Variants in MYBPC2 observed in about 807,000 individuals in gnomAD.
MYBPC2 encodes the protein myosin-binding protein C, fast-type.
MYBPC2 carries 122 observed loss-of-function variants against 137.0 expected under a neutral mutation model. That is an observed-to-expected ratio of 0.89 (90% CI 0.77 to 1.03). The LOEUF is 1.03. Among genes scored for constraint, MYBPC2 ranks in the 50% least tolerant of loss-of-function variants. The pLI, the probability that MYBPC2 is intolerant of heterozygous loss-of-function variation, is 0.00. For synonymous variants in MYBPC2, 626 were observed against 612.3 expected (o/e 1.02, Z -0.33); for missense variants, 1,500 against 1,534.4 (o/e 0.98, Z 0.37).
At chr19:50,453,341 G>C (rs1273328505) in intron 16 of MYBPC2, among the ~76,000 whole-genome samples, 2 of 152,138 alleles carry the variant, frequency 1.3e-5, no homozygotes, top group East Asian at 3.9e-4. Context: ...GGAGGTTCTA[G>C]AAGCTATGAG....
chr19:50,460,095 G>A lies in MYBPC2; in HGVS notation c.2847G>A (p.Ala949=), dbSNP rs757429155. 1.0e-5 allele frequency: 16 copies of A among 1,578,498 alleles called. No homozygotes were observed. The South Asian group carries it at 1.5e-4, about 15-fold the overall frequency. Residue 949 remains alanine, a synonymous_variant, in exon 24 of 28, where the codon GCG becomes GCA. Transcript: ENST00000357701. ...TGAAGGAGGTGTGGGGCACGAACGC[G>A]CTGGTGGAGTGGCAGGCCCCCAAAG... ...VMVKEVWGTN[A]LVEWQAPKDD...
chr19:50,456,612 A>G lies in MYBPC2; in HGVS notation c.2338+968A>G, dbSNP rs184050597. Among the ~76,000 whole-genome samples, 1,075 of 146,822 alleles carry G rather than the reference A, an allele frequency of 7.3e-3. 15 individuals carry two copies. The highest frequency in any genetic ancestry group is 0.025 in the African/African-American group (1,011 of 39,846). On this transcript the variant is annotated intron_variant, in intron 20 of 27. Transcript: ENST00000357701. ...TGCCCAGCTAATTTTTTTTTTTTGT[A>G]TTTTTAGTAGAGACAGGGTTTCACT...
intron 12 of MYBPC2, 110 bp downstream of exon 12, chr19:50,446,162 C>A: frequency 2.3e-6 from 3 of 1,294,036 alleles, no homozygotes; most frequent in Non-Finnish European, 2.1e-6. Context: ...CTCTCTTTCC[C>A]ACACACCCTA....
At position 50,453,006 on chromosome 19, in the gene MYBPC2, T is replaced by C. The variant is rs10426793; in HGVS notation, c.1749+1003T>C. ...CAGACTTGCTCAACATCCATCCATT[T>C]GCTCACTCAGCGTACATCCCCTAAA... On this transcript the variant is annotated intron_variant, in intron 16 of 27. Coordinates refer to ENST00000357701, the MANE Select transcript of MYBPC2 (RefSeq NM_004533.4). Among the ~76,000 whole-genome samples, 1,179 of 152,354 alleles carry C rather than the reference T, an allele frequency of 7.7e-3. 19 individuals are homozygous for C. Among genetic ancestry groups the C allele is most frequent in the African/African-American group, 0.027 (1,124 of 41,584 alleles).
chr19:50,456,821 A>G (rs1326346268), intron 20 of MYBPC2, among the ~76,000 whole-genome samples: 1 of 151,628 alleles, frequency 6.6e-6, no homozygotes, highest in Non-Finnish European at 1.5e-5. Context: ...CCATCCAACC[A>G]TCTGTCCACC....
chr19:50,440,723 C>T (rs2039745992), intron 7 of MYBPC2, among the ~76,000 whole-genome samples, 157 bp from the exon 8 acceptor site: 1 of 151,172 alleles, frequency 6.6e-6, no homozygotes, highest in East Asian at 1.9e-4. Flanking sequence ...CAGAAGACCC[C>T]AGGAGGAGGC....
In MYBPC2 at chr19:50,432,984, A is replaced by C. The variant is rs1228130260; in HGVS notation, c.19+12A>C. On this transcript the variant is annotated intron_variant, in intron 1 of 27. Transcript: ENST00000357701. This position sits in a 1 kb window ranked among gnomAD's most constrained non-coding sequence, Gnocchi z 5.5. ...TGAGGCAAAACCAGGTGGCGCCAGG[A>C]CCCCCTCCCTGTGTGGGGATGGGGC... 1.9e-6 allele frequency: 3 copies of C among 1,592,224 alleles called. No homozygotes were observed. Among genetic ancestry groups the C allele is most frequent in the Non-Finnish European group, 2.6e-6 (3 of 1,171,644 alleles).
chr19:50,441,361 C>T (rs915132951), intron 8 of MYBPC2, among the ~76,000 whole-genome samples: 1 of 152,130 alleles, frequency 6.6e-6, no homozygotes. Flanking sequence ...ATGGCAATGA[C>T]CAGACCACCC....
chr19:50,459,989 G>A lies in MYBPC2; in HGVS notation c.2792-51G>A, dbSNP rs28668964. ...TGTGGAGAGGGGAGGGGAGGGAAGCGGCTGGACATCCCAAAACCTGGACTG... is the reference window on the plus strand; with the variant it reads ...TGTGGAGAGGGGAGGGGAGGGAAGCAGCTGGACATCCCAAAACCTGGACTG... On this transcript the variant is annotated intron_variant, in intron 23 of 27. Transcript: ENST00000357701. The A allele has an allele frequency of 4.8e-4, 744 of 1,548,144 alleles. 7 individuals carry two copies. The South Asian group carries it at 8.3e-3, about 17-fold the overall frequency.
At chr19:50,458,227 T>A (rs2039931266) in intron 20 of MYBPC2, among the ~76,000 whole-genome samples, 1 of 150,302 alleles carries the variant, frequency 6.7e-6, no homozygotes, top group Admixed American at 6.6e-5. Context: ...GGAGAATTAC[T>A]TGAACCTGGG....
Position 50,445,948 on chromosome 19 carries a change from G to A in MYBPC2, c.1202G>A (p.Gly401Glu). 2.5e-6 allele frequency: 4 copies of A among 1,612,336 alleles called. No homozygotes were observed. The highest frequency in any genetic ancestry group is 3.4e-6 in the Non-Finnish European group (4 of 1,179,266). ...FKARYRFKKD[G>E]KRHILIFSDV... is the part of the protein sequence containing the mutation. ...GCCCGGTACCGCTTCAAGAAGGACG[G>A]GAAGCGCCACATCCTCATCTTCTCA... Residue 401 changes from glycine (G) to glutamate (E), a missense_variant, in exon 12 of 28, where the codon GGG (glycine) becomes GAG (glutamate). Coordinates refer to ENST00000357701, the MANE Select transcript of MYBPC2 (RefSeq NM_004533.4).
At chr19:50,461,417 C>T in intron 24 of MYBPC2, 125 bp from the exon 25 acceptor site, 1 of 1,035,062 alleles carries the variant, frequency 9.7e-7, no homozygotes, top group Non-Finnish European at 1.4e-6. Context: ...GAGTAGTGCG[C>T]CATGAGTGAC....
intron 26 of MYBPC2, 79 bp from the exon 27 acceptor site, chr19:50,464,267 C>G (rs943986327): frequency 7.5e-7 from 1 of 1,329,790 alleles, no homozygotes; most frequent in Non-Finnish European, 1.0e-6. Flanking sequence ...GAACCCAGAT[C>G]GGCTTCCTGA....
At position 50,455,001 on chromosome 19, in the gene MYBPC2, G is replaced by A. The variant is rs1256080370; in HGVS notation, c.2015-107G>A. 8.5e-6 allele frequency: 9 copies of A among 1,060,306 alleles called. No homozygotes were observed. The Admixed American group carries it at 1.3e-4, about 16-fold the overall frequency. 65.7% of individuals were successfully genotyped at this position (1,060,306 alleles called of 1,614,324 possible). A position where few individuals can be genotyped will look rare whatever the true frequency, so the allele number is the denominator to read the frequency against. The stretch of plus-strand genomic sequence containing the variant: ...AGATCCACCTAAGATTCATGGCCTC[G>A]GACCGCCCTGGCCATGCGATCCTCT... On this transcript the variant is annotated intron_variant, in intron 18 of 27. Coordinates refer to ENST00000357701, the MANE Select transcript of MYBPC2 (RefSeq NM_004533.4).
rs1259773645 is a variant in MYBPC2 at position 50,443,811 on chromosome 19, G to T, written c.1128G>T (p.Val376=). 1.9e-6 allele frequency: 3 copies of T among 1,613,202 alleles called. No individual in the cohort carries two copies. The highest frequency in any genetic ancestry group is 2.5e-6 in the Non-Finnish European group (3 of 1,179,426). ...AVEVSEEGAQ[V]MWMKDGVELT... ...AGGTGTCAGAAGAGGGTGCCCAGGT[G>T]ATGTGGTAAGTGACCCTTGATCCCT... The change falls in exon 11 of 28, where the codon GTG becomes GTT. Residue 376 remains valine, a synonymous_variant. Transcript: ENST00000357701.
At chr19:50,461,234 G>A (rs564478245) in intron 24 of MYBPC2, among the ~76,000 whole-genome samples, 1 of 151,640 alleles carries the variant, frequency 6.6e-6, no homozygotes, top group Non-Finnish European at 1.5e-5. Flanking sequence ...CAAACTCCCA[G>A]GCTCAAGCGA....
chr19:50,459,718 G>C (rs2039954041), intron 23 of MYBPC2, among the ~76,000 whole-genome samples: 1 of 142,738 alleles, frequency 7.0e-6, no homozygotes. Context: ...AAGATGAGGT[G>C]GGGGAGACTA....
At chr19:50,440,281 A>G (rs1425854860) in intron 7 of MYBPC2, among the ~76,000 whole-genome samples, 1 of 151,978 alleles carries the variant, frequency 6.6e-6, no homozygotes, top group Non-Finnish European at 1.5e-5. Flanking sequence ...CAGCTTACTC[A>G]TGTAACCAAA....
chr19:50,440,676 A>C (rs1203291464), intron 7 of MYBPC2, among the ~76,000 whole-genome samples: 4 of 142,398 alleles, frequency 2.8e-5, no homozygotes, highest in Non-Finnish European at 6.1e-5. Context: ...AAAAAAAAAA[A>C]CCAAAAAACC....
Sources: allele counts gnomAD v4.1 joint callset (sites outside exome capture counted in the v4.1 genomes callset), GRCh38; gene constraint gnomAD v4.1.1; non-coding constraint Gnocchi (gnomAD v3.1); transcripts MANE v1.5; gene names NCBI Gene and HGNC (gene_info 2026-07-23, HGNC 2026-07-21).